The following FAM149A variants were observed in gnomAD, a reference collection of about 807,000 sequenced individuals.
FAM149A encodes family with sequence similarity 149 member A.
In FAM149A, 71 loss-of-function variants were observed where a neutral mutation model predicts 78.2. The ratio of observed to expected loss-of-function variants is 0.91; its 90% CI spans 0.75 to 1.11. The LOEUF is 1.11. FAM149A is among the 50% of genes least tolerant of loss of function. The pLI, the probability that FAM149A is intolerant of heterozygous loss-of-function variation, is 0.00. For synonymous variants in FAM149A, 446 were observed against 410.5 expected (o/e 1.09, Z -1.04); for missense variants, 1,036 against 971.0 (o/e 1.07, Z -0.89).
chr4:186,131,848 A>G (rs1411619047), intron 1 of FAM149A: 2 of 971,938 alleles, frequency 2.1e-6, no homozygotes, highest in East Asian at 1.1e-4. Context: ...GTTACACTGC[A>G]TTAAAATTAA....
intron 1 of FAM149A, among the ~76,000 whole-genome samples, chr4:186,130,473 T>C (rs1046733483): frequency 6.6e-6 from 1 of 150,668 alleles, no homozygotes; most frequent in Non-Finnish European, 1.5e-5. Context: ...CTGCTCGGGG[T>C]CAGGTGATCC....
intron 13 of FAM149A, among the ~76,000 whole-genome samples, chr4:186,170,667 G>A (rs1735450371): frequency 6.6e-6 from 1 of 152,150 alleles, no homozygotes; most frequent in South Asian, 2.1e-4. Context: ...GGTGTGCAGG[G>A]GTCCCTGGGG....
Position 186,105,071 on chromosome 4 carries a change from C to G in FAM149A, c.-6C>G, listed in dbSNP as rs547904122. The G allele has an allele frequency of 3.9e-6, 5 of 1,271,080 alleles. No homozygotes were observed. The highest frequency in any genetic ancestry group is 2.5e-5 in the South Asian group (2 of 80,134). 78.7% of individuals were successfully genotyped at this position (1,271,080 alleles called of 1,614,324 possible). On this transcript the variant is annotated 5_prime_UTR_variant, in exon 1 of 14. Transcript: ENST00000389354. ...GCGGCGAGGACGGCGTGTCCACTGT[C>G]GAGGCATGAAGGCTGCTGTGCTGGA... is the stretch of plus-strand genomic sequence containing the variant.
At chr4:186,137,531 T>C (rs2099323969) in intron 1 of FAM149A, among the ~76,000 whole-genome samples, 1 of 152,122 alleles carries the variant, frequency 6.6e-6, no homozygotes, top group African/African-American at 2.4e-5. Context: ...GAATGAAAAT[T>C]CGGCAAATCC....
rs990741201 is a variant in FAM149A, at chr4:186,170,048, C to T, written c.2219-1866C>T. The T allele has an allele frequency of 1.1e-5, 7 of 632,860 alleles. No individual in the cohort carries two copies. The Admixed American group carries it at 4.4e-4, about 40-fold the overall frequency. The allele number at this position is 632,860 out of a possible 1,614,324, so 39.2% of individuals were successfully genotyped here. ...AGTGGGAAGGGTATGTCCAGGCCCC[C>T]TCAGGATCAGGCTGGCTTTTCTTCC... On this transcript the variant is annotated intron_variant, in intron 13 of 13. Transcript: ENST00000389354.
At chr4:186,117,811 T>C (rs547882964) in intron 1 of FAM149A, 1 of 837,418 alleles carries the variant, frequency 1.2e-6, no homozygotes, top group South Asian at 5.4e-5. Flanking sequence ...AATAAACGCC[T>C]GAGAGGTATG....
At chr4:186,138,830 G>A (rs921304607) in intron 1 of FAM149A, among the ~76,000 whole-genome samples, 3 of 152,018 alleles carry the variant, frequency 2.0e-5, no homozygotes, top group Admixed American at 6.6e-5. Flanking sequence ...ACCTGGCTCC[G>A]GGAGTGCTTG....
chr4:186,149,049 G>T, intron 1 of FAM149A, 124 bp from the exon 2 acceptor site: 1 of 529,584 alleles, frequency 1.9e-6, no homozygotes. Flanking sequence ...TGCACAGGTG[G>T]GTTTGGAGGG....
intron 1 of FAM149A, chr4:186,107,795 G>A (rs896930933): frequency 2.0e-5 from 3 of 152,212 alleles, no homozygotes; most frequent in African/African-American, 4.8e-5. Flanking sequence ...TCCTGAGTTT[G>A]TGTGTTCCTA....
chr4:186,161,034 G>A (rs1734565252), intron 8 of FAM149A: 1 of 187,252 alleles, frequency 5.3e-6, no homozygotes, highest in Admixed American at 6.5e-5. Flanking sequence ...GTTACCTTTT[G>A]TTATAATCAG....
In FAM149A at chr4:186,105,125, GAGA is replaced by G; in HGVS notation, c.50_52del (p.Glu17_Thr18delinsAla). The G allele has an allele frequency of 7.8e-7, 1 of 1,280,970 alleles. No individual in the cohort carries two copies. Among genetic ancestry groups the G allele is most frequent in the Non-Finnish European group, 1.0e-6 (1 of 985,240 alleles). The allele number at this position is 1,280,970 out of a possible 1,614,324, so 79.4% of individuals were successfully genotyped here. A position where few individuals can be genotyped will look rare whatever the true frequency, so the allele number is the denominator to read the frequency against. On this transcript the variant is annotated inframe_deletion, in exon 1 of 14. Transcript: ENST00000389354. Reference sequence around the variant, plus strand: ...TGGGTCTCTCTTGGCCAAACTCTTCGAGACCTCGACGGCGCCCCCCGCAGGCCC... The same window carrying G: ...TGGGTCTCTCTTGGCCAAACTCTTCGCCTCGACGGCGCCCCCCGCAGGCCC...
chr4:186,137,087 C>T (rs1462519102), intron 1 of FAM149A, among the ~76,000 whole-genome samples: 1 of 148,614 alleles, frequency 6.7e-6, no homozygotes, highest in East Asian at 2.0e-4. Context: ...TATGGTAGAA[C>T]ATATTTGTTG....
At chr4:186,118,263 A>G (rs11730526) in intron 1 of FAM149A, 236,660 of 982,170 alleles carry the variant, frequency 0.24, 29,180 homozygotes, top group African/African-American at 0.35. Context: ...TGAAATGAGG[A>G]GCGTCTCCTT....
intron 1 of FAM149A, chr4:186,146,549 A>G (rs1733052582): frequency 1.0e-6 from 1 of 961,852 alleles, no homozygotes; most frequent in Non-Finnish European, 1.2e-6. Context: ...AAAAAGAGTG[A>G]ATTTCCTAGA....
intron 1 of FAM149A, chr4:186,130,293 C>CTCTCTCTCTA: frequency 8.6e-4 from 40 of 46,582 alleles, no homozygotes; most frequent in African/African-American, 2.1e-3. Context: ...CTCTCTCTCT[C>CTCTCTCTCTA]TATATATATA....
chr4:186,125,622 T>C, intron 1 of FAM149A: 1 of 806,420 alleles, frequency 1.2e-6, no homozygotes, highest in Non-Finnish European at 1.5e-6. Flanking sequence ...ACAGGCTTGT[T>C]GTCAGGTTTA....
At position 186,162,862 on chromosome 4, in the gene FAM149A, C is replaced by A; in HGVS notation, c.1593C>A (p.Ser531Arg). Residue 531 changes from serine to arginine, a missense_variant, in exon 9 of 14, where the codon AGC (serine) becomes AGA (arginine). By Grantham distance (110) the Ser-to-Arg change is moderately radical. Transcript: ENST00000389354. ...GTTCTCAGATTCATCACTTCTCCAG[C>A]AGTTTTTATAGTGACATGAATGGTG... 7.9e-7 allele frequency: 1 copy of A among 1,270,986 alleles called. No homozygotes were observed. Among genetic ancestry groups the A allele is most frequent in the Non-Finnish European group, 1.1e-6 (1 of 890,206 alleles). 78.7% of individuals were successfully genotyped at this position (1,270,986 alleles called of 1,614,324 possible).
At chr4:186,140,029 C>T (rs11945435) in intron 1 of FAM149A, among the ~76,000 whole-genome samples, 5,327 of 152,242 alleles carry the variant, frequency 0.035, 277 homozygotes, top group African/African-American at 0.11. Flanking sequence ...GAATAATTTA[C>T]AATTTATTAT....
At position 186,172,124 on chromosome 4, in the gene FAM149A, T is replaced by C; in HGVS notation, c.*137T>C. On this transcript the variant is annotated 3_prime_UTR_variant, in exon 14 of 14. Transcript: ENST00000389354. ...TTAGACCGAGAGAAAAGCAAACAAA[T>C]AAATCACTTAATCTTGAACACTTTG... 2 of 1,291,548 alleles carry C rather than the reference T, an allele frequency of 1.5e-6. No individual in the cohort carries two copies. Among genetic ancestry groups the C allele is most frequent in the Non-Finnish European group, 2.1e-6 (2 of 973,630 alleles). The allele number at this position is 1,291,548 out of a possible 1,614,324, so 80.0% of individuals were successfully genotyped here. A position where few individuals can be genotyped will look rare whatever the true frequency, so the allele number is the denominator to read the frequency against.
Sources: gnomAD v4.1 joint callset for allele counts (sites outside exome capture counted in the v4.1 genomes callset) on GRCh38, gnomAD v4.1.1 for gene constraint, MANE v1.5 for transcripts, NCBI Gene and HGNC (gene_info 2026-07-23, HGNC 2026-07-21) for gene names.